CACNA2D1: variants seen among roughly 807,000 people sequenced by gnomAD.
The protein encoded by CACNA2D1 is voltage-dependent calcium channel subunit alpha-2/delta-1.
In CACNA2D1, 53 loss-of-function variants were observed where a neutral mutation model predicts 171.5. The observed-to-expected ratio is 0.31, with a 90% CI of 0.25 to 0.39. The LOEUF is 0.39. CACNA2D1 is among the 10% of genes least tolerant of loss of function. The pLI is 1.00. For synonymous variants in CACNA2D1, 442 were observed against 443.1 expected (o/e 1.00, Z 0.03); for missense variants, 903 against 1,299.8 (o/e 0.69, Z 4.69).
In CACNA2D1 at chr7:81,977,561, C is replaced by G. The variant is rs1479871659; in HGVS notation, c.1956-3009G>C. On this transcript the variant is annotated intron_variant, in intron 24 of 38. Transcript: ENST00000356860. ...ACATGCAGAAAACAGAAGCTGGACC[C>G]CTTGCCTACACCTTATACAAAAATT... Among the ~76,000 whole-genome samples, 3 of 152,046 alleles carry G rather than the reference C, an allele frequency of 2.0e-5. No individual in the cohort carries two copies. The East Asian group carries it at 5.8e-4, about 29-fold the overall frequency.
intron 6 of CACNA2D1, among the ~76,000 whole-genome samples, chr7:82,086,492 G>C (rs978943774): frequency 6.6e-6 from 1 of 152,060 alleles, no homozygotes; most frequent in East Asian, 1.9e-4. Context: ...ATATTCAAAA[G>C]CATGATCCAA....
intron 1 of CACNA2D1, among the ~76,000 whole-genome samples, chr7:82,432,828 ATCTGTT>A (rs1489343484): frequency 4.6e-5 from 7 of 152,176 alleles, no homozygotes; most frequent in African/African-American, 1.7e-4. Context: ...TTGTTCTTTT[ATCTGTT>A]TCTTTTTCAA....
At chr7:82,052,386 A>G (rs1805292479) in intron 10 of CACNA2D1, among the ~76,000 whole-genome samples, 1 of 152,194 alleles carries the variant, frequency 6.6e-6, no homozygotes, top group South Asian at 2.1e-4. Flanking sequence ...ACAACTTGAC[A>G]TTATAAATAT....
chr7:81,978,818 ATATTTATT>A (rs1172067928), intron 24 of CACNA2D1, among the ~76,000 whole-genome samples: 9 of 22,208 alleles, frequency 4.1e-4, no homozygotes, highest in Admixed American at 3.2e-3. Context: ...ATATATATAT[ATATTTATT>A]TATTTATTTA....
intron 4 of CACNA2D1, among the ~76,000 whole-genome samples, chr7:82,162,574 A>C (rs749616506): frequency 6.6e-6 from 1 of 152,032 alleles, no homozygotes; most frequent in African/African-American, 2.4e-5. Flanking sequence ...TCCAGCTACA[A>C]ACTTCTTAAG....
intron 12 of CACNA2D1, among the ~76,000 whole-genome samples, chr7:82,020,562 C>T (rs1801064068): frequency 6.6e-6 from 1 of 151,958 alleles, no homozygotes. Context: ...ATGAAGACAA[C>T]AATGTCTTTT....
intron 7 of CACNA2D1, among the ~76,000 whole-genome samples, chr7:82,073,284 C>T (rs1808541441): frequency 6.6e-6 from 1 of 152,124 alleles, no homozygotes; most frequent in Non-Finnish European, 1.5e-5. Context: ...AACTGATCCT[C>T]TAAAATTCTA....
intron 19 of CACNA2D1, among the ~76,000 whole-genome samples, chr7:81,995,518 G>A (rs1481597635): frequency 6.6e-6 from 1 of 152,116 alleles, no homozygotes; most frequent in Non-Finnish European, 1.5e-5. Flanking sequence ...TGCAAGGTCG[G>A]CCAGGTGCAG....
chr7:82,289,607 G>A (rs1456653098), intron 3 of CACNA2D1, among the ~76,000 whole-genome samples: 1 of 152,196 alleles, frequency 6.6e-6, no homozygotes, highest in Non-Finnish European at 1.5e-5. Context: ...ACTGACTTAA[G>A]GCATAGAGGG....
At chr7:82,044,240 T>C (rs1411358785) in intron 10 of CACNA2D1, among the ~76,000 whole-genome samples, 1 of 152,154 alleles carries the variant, frequency 6.6e-6, no homozygotes. Context: ...TTCTCCTATG[T>C]ATGGATTCTA....
chr7:82,140,568 C>A (rs545805877), intron 4 of CACNA2D1, among the ~76,000 whole-genome samples: 1 of 152,212 alleles, frequency 6.6e-6, no homozygotes, highest in Admixed American at 6.5e-5. Flanking sequence ...TGGAATATGA[C>A]CTTAAAATAA....
chr7:82,197,877 A>G, intron 3 of CACNA2D1, among the ~76,000 whole-genome samples: 1 of 151,802 alleles, frequency 6.6e-6, no homozygotes. Flanking sequence ...AGTTATATTT[A>G]TGGGAAATGT....
Position 82,152,546 on chromosome 7 carries a change from C to A in CACNA2D1, c.355-15870G>T, listed in dbSNP as rs6959896. Among the ~76,000 whole-genome samples the A allele has an allele frequency of 5.7e-3, 867 of 151,980 alleles. 10 individuals are homozygous for A. Among genetic ancestry groups the A allele is most frequent in the African/African-American group, 0.02 (830 of 41,468 alleles). Reference sequence around the variant, plus strand: ...CTGTGTTTTTCTGTACTAAATCTGGCAACTTTCATTTATGAGATAGTATTA... The same window carrying A: ...CTGTGTTTTTCTGTACTAAATCTGGAAACTTTCATTTATGAGATAGTATTA... On this transcript the variant is annotated intron_variant, in intron 4 of 38. Transcript: ENST00000356860.
At chr7:82,254,825 G>A (rs1806102868) in intron 3 of CACNA2D1, among the ~76,000 whole-genome samples, 1 of 152,146 alleles carries the variant, frequency 6.6e-6, no homozygotes, top group African/African-American at 2.4e-5. Flanking sequence ...AAAGGCACAG[G>A]TTGTGAGAGA....
chr7:82,133,043 G>T (rs754151292), intron 5 of CACNA2D1, among the ~76,000 whole-genome samples: 9 of 151,988 alleles, frequency 5.9e-5, no homozygotes, highest in Middle Eastern at 3.2e-3. Context: ...TAATTTATTG[G>T]TTTTTTATTT....
At chr7:82,391,437 C>A (rs544083953) in intron 1 of CACNA2D1, among the ~76,000 whole-genome samples, 1 of 152,258 alleles carries the variant, frequency 6.6e-6, no homozygotes, top group South Asian at 2.1e-4. Flanking sequence ...ATCAGAAGCT[C>A]AGATTACCAG....
chr7:81,993,376 G>A (rs1797744806), intron 20 of CACNA2D1, among the ~76,000 whole-genome samples: 1 of 152,072 alleles, frequency 6.6e-6, no homozygotes, highest in South Asian at 2.1e-4. Context: ...CATGGTACAA[G>A]AAAGGTTCTA....
chr7:82,184,169 CTTT>C (rs72155870), intron 3 of CACNA2D1, among the ~76,000 whole-genome samples: 2 of 127,408 alleles, frequency 1.6e-5, no homozygotes, highest in Non-Finnish European at 1.6e-5. Flanking sequence ...TCGGTTTCCT[CTTT>C]TTTTTTTTTT....
intron 3 of CACNA2D1, among the ~76,000 whole-genome samples, chr7:82,327,986 G>A (rs943918961): frequency 6.6e-6 from 1 of 152,104 alleles, no homozygotes; most frequent in Non-Finnish European, 1.5e-5. Context: ...CCGGAGGGAA[G>A]CCCTGTTGGG....
Sources: allele counts gnomAD v4.1 joint callset (sites outside exome capture counted in the v4.1 genomes callset), GRCh38; gene constraint gnomAD v4.1.1; transcripts MANE v1.5; gene names NCBI Gene and HGNC (gene_info 2026-07-23, HGNC 2026-07-21).